The following ARNT2 variants were observed in gnomAD, a reference collection of about 807,000 sequenced individuals.
ARNT2 encodes aryl hydrocarbon receptor nuclear translocator 2.
ARNT2 carries 36 observed loss-of-function variants against 91.7 expected under a neutral mutation model. That is an observed-to-expected ratio of 0.39 (90% CI 0.30 to 0.52). The LOEUF is 0.52. Ranked by LOEUF, ARNT2 falls within the 20% of genes least tolerant of loss-of-function variation. The probability of loss-of-function intolerance (pLI) is 0.72; values close to 1 mark genes in which losing one functional copy is unlikely to be tolerated. For synonymous variants in ARNT2, 365 were observed against 347.1 expected (o/e 1.05, Z -0.57); for missense variants, 775 against 939.3 (o/e 0.83, Z 2.29).
At chr15:80,555,305 C>T in intron 11 of ARNT2, 166 bp downstream of exon 11, 1 of 624,588 alleles carries the variant, frequency 1.6e-6, no homozygotes, top group Non-Finnish European at 2.8e-6. Context: ...GTAGGGAAGA[C>T]AGACACACAT....
At chr15:80,449,287 A>G (rs1371087602) in intron 1 of ARNT2, among the ~76,000 whole-genome samples, 1 of 152,228 alleles carries the variant, frequency 6.6e-6, no homozygotes, top group Non-Finnish European at 1.5e-5. Context: ...TATTTTAGAA[A>G]GTAGTGACTT....
chr15:80,544,607 ACT>A (rs1897962062), intron 8 of ARNT2, among the ~76,000 whole-genome samples: 1 of 152,134 alleles, frequency 6.6e-6, no homozygotes, highest in African/African-American at 2.4e-5. Context: ...TGTCAGCATA[ACT>A]CACACCTTGC....
chr15:80,590,526 C>T (rs1267676142), intron 17 of ARNT2, among the ~76,000 whole-genome samples: 1 of 152,170 alleles, frequency 6.6e-6, no homozygotes, highest in East Asian at 1.9e-4. Flanking sequence ...CTGCATGAGG[C>T]CAGGAGTTTG....
chr15:80,531,651 T>C (rs917879115), intron 8 of ARNT2, among the ~76,000 whole-genome samples: 35 of 152,188 alleles, frequency 2.3e-4, no homozygotes, highest in Non-Finnish European at 4.4e-5. Flanking sequence ...ATCCTCATCA[T>C]TTGGTTCTGT....
At chr15:80,567,172 A>T (rs973081631) in intron 12 of ARNT2, among the ~76,000 whole-genome samples, 1 of 152,180 alleles carries the variant, frequency 6.6e-6, no homozygotes, top group Non-Finnish European at 1.5e-5. Flanking sequence ...GGTGCTGAGC[A>T]TGGGCCTTTC....
At position 80,466,165 on chromosome 15, in the gene ARNT2, A is replaced by G. The variant is rs554020009; in HGVS notation, c.195-4053A>G. Among the ~76,000 whole-genome samples the G allele has an allele frequency of 6.3e-4, 96 of 152,334 alleles. No individual in the cohort carries two copies. The South Asian group carries it at 0.011, about 17-fold the overall frequency. ...TGTCAGCAGTTTAAGGATGCTCTTT[A>G]TTGAGATCTTATAAAATTCTCCTTT... On this transcript the variant is annotated intron_variant, in intron 3 of 18. Transcript: ENST00000303329.
chr15:80,559,180 G>T (rs192297042), intron 11 of ARNT2, among the ~76,000 whole-genome samples: 29 of 145,874 alleles, frequency 2.0e-4, no homozygotes, highest in African/African-American at 7.1e-4. Flanking sequence ...TGTCAGAACC[G>T]GTTGGTTTTG....
chr15:80,551,396 G>C, intron 9 of ARNT2, 121 bp downstream of exon 9: 4 of 930,272 alleles, frequency 4.3e-6, no homozygotes, highest in Non-Finnish European at 1.7e-6. Context: ...GTTGGGTTTC[G>C]TGTCTCACTC....
rs1397031307 is a variant in ARNT2, at chr15:80,449,653, ATTC to A, written c.32-1220_32-1218del. ...GTGAAATTGTATTGTGTATTGTAAA[ATTC>A]TTCTTCAAGAGTTTTGAGTGGGATA... On this transcript the variant is annotated intron_variant, in intron 1 of 18. Transcript: ENST00000303329. 7.9e-5 allele frequency among the ~76,000 whole-genome samples: 12 copies of A among 152,324 alleles called. No homozygotes were observed. The South Asian group carries it at 2.3e-3, about 29-fold the overall frequency.
intron 8 of ARNT2, among the ~76,000 whole-genome samples, chr15:80,515,870 C>CTTT (rs984547948): frequency 4.6e-5 from 6 of 129,938 alleles, no homozygotes; most frequent in African/African-American, 8.5e-5. Context: ...ATGAAGTATT[C>CTTT]TTTTTTTTTT....
chr15:80,427,648 C>A (rs1461521832), intron 1 of ARNT2, among the ~76,000 whole-genome samples: 1 of 152,218 alleles, frequency 6.6e-6, no homozygotes, highest in Non-Finnish European at 1.5e-5. Context: ...TAGAATCACA[C>A]ACTCTTGAAA....
chr15:80,514,749 G>A (rs1897405166), intron 8 of ARNT2, among the ~76,000 whole-genome samples: 1 of 152,176 alleles, frequency 6.6e-6, no homozygotes, highest in Admixed American at 6.5e-5. Context: ...AGCTGGGCGT[G>A]GTGGCGGGCG....
chr15:80,436,875 T>C (rs990084874), intron 1 of ARNT2, among the ~76,000 whole-genome samples: 5 of 152,216 alleles, frequency 3.3e-5, no homozygotes, highest in African/African-American at 4.8e-5. Flanking sequence ...TGACTCACCT[T>C]GTCTGTTACT....
intron 1 of ARNT2, among the ~76,000 whole-genome samples, chr15:80,448,923 T>C (rs935620896): frequency 6.6e-6 from 1 of 152,132 alleles, no homozygotes; most frequent in Non-Finnish European, 1.5e-5. Flanking sequence ...AGGTGGAGCT[T>C]GCAGTGAGCC....
At chr15:80,468,942 G>T (rs1215838062) in intron 3 of ARNT2, among the ~76,000 whole-genome samples, 3 of 152,152 alleles carry the variant, frequency 2.0e-5, no homozygotes, top group Non-Finnish European at 4.4e-5. Context: ...TGTCATCAGG[G>T]CTGACTGGCA....
intron 5 of ARNT2, among the ~76,000 whole-genome samples, chr15:80,482,871 G>T (rs549907979): frequency 2.0e-5 from 3 of 152,156 alleles, no homozygotes; most frequent in Non-Finnish European, 2.9e-5. Context: ...TCAAGTCATC[G>T]TGATGCATGT....
intron 4 of ARNT2, among the ~76,000 whole-genome samples, 176 bp from the exon 5 acceptor site, chr15:80,474,834 A>C (rs942651961): frequency 3.3e-5 from 5 of 152,220 alleles, no homozygotes; most frequent in African/African-American, 1.2e-4. Flanking sequence ...GGATGGTGCA[A>C]GCTTTGTGCA....
At chr15:80,567,680 A>G (rs893086403) in intron 12 of ARNT2, among the ~76,000 whole-genome samples, 5 of 152,206 alleles carry the variant, frequency 3.3e-5, no homozygotes, top group African/African-American at 9.6e-5. Flanking sequence ...CATCTTGTAC[A>G]GGGGGTGGCC....
intron 8 of ARNT2, among the ~76,000 whole-genome samples, chr15:80,524,720 CA>C (rs1462104997): frequency 2.0e-5 from 3 of 151,982 alleles, no homozygotes; most frequent in African/African-American, 7.2e-5. Context: ...ATTAAAAATA[CA>C]AAAATTAGCT....
Sources: allele counts gnomAD v4.1 joint callset (sites outside exome capture counted in the v4.1 genomes callset), GRCh38; gene constraint gnomAD v4.1.1; transcripts MANE v1.5; gene names NCBI Gene and HGNC (gene_info 2026-07-23, HGNC 2026-07-21).